VDAC1: variants seen among roughly 807,000 people sequenced by gnomAD.
VDAC1 encodes non-selective voltage-gated ion channel VDAC1.
VDAC1 carries 10 observed loss-of-function variants against 34.7 expected under a neutral mutation model. The observed-to-expected ratio is 0.29, with a 90% CI of 0.18 to 0.49. The LOEUF is 0.49. Ranked by LOEUF, VDAC1 falls within the 20% of genes least tolerant of loss-of-function variation. VDAC1 has a pLI of 0.99. For missense variants in VDAC1, 230 were observed against 347.9 expected (o/e 0.66, Z 2.69); for synonymous variants, 130 against 136.0 (o/e 0.96, Z 0.30).
chr5:134,113,423 T>C, the VDAC1 span, among the ~76,000 whole-genome samples: 1 of 152,234 alleles, frequency 6.6e-6, no homozygotes, highest in East Asian at 1.9e-4. Flanking sequence ...CCAGCCACGC[T>C]GGGCCTGGAC....
chr5:134,037,475 C>T, the VDAC1 span, among the ~76,000 whole-genome samples: 1 of 152,182 alleles, frequency 6.6e-6, no homozygotes, highest in African/African-American at 2.4e-5. Flanking sequence ...TCTTAACTAG[C>T]CTATATTAAG....
At chr5:134,079,272 C>A in the VDAC1 span, among the ~76,000 whole-genome samples, 1 of 152,198 alleles carries the variant, frequency 6.6e-6, no homozygotes, top group Admixed American at 6.5e-5. Context: ...AGCCACCACG[C>A]CTGGCCCCCT....
At chr5:134,097,753 A>T in the VDAC1 span, among the ~76,000 whole-genome samples, 3,304 of 152,328 alleles carry the variant, frequency 0.022, 112 homozygotes, top group African/African-American at 0.075. Context: ...CAGACATAGA[A>T]GGAGCCAGAC....
At chr5:133,997,151 C>T (rs1348719120) in intron 1 of VDAC1, among the ~76,000 whole-genome samples, 2 of 152,140 alleles carry the variant, frequency 1.3e-5, no homozygotes, top group African/African-American at 2.4e-5. Context: ...CTCTTGTTCA[C>T]GCCAAGGGGG....
At chr5:134,031,018 C>T in the VDAC1 span, among the ~76,000 whole-genome samples, 1 of 152,146 alleles carries the variant, frequency 6.6e-6, no homozygotes, top group South Asian at 2.1e-4. Flanking sequence ...AGTAATGTTA[C>T]AGCTACCACT....
intron 5 of VDAC1, chr5:133,988,772 C>CAA (rs35793271): frequency 3.8e-4 from 49 of 128,246 alleles, no homozygotes; most frequent in East Asian, 6.4e-4. Context: ...CCCCTCAACC[C>CAA]AAAAAAAAAA....
upstream of VDAC1, among the ~76,000 whole-genome samples, chr5:134,007,083 A>C (rs1035048774): frequency 1.3e-5 from 2 of 152,008 alleles, no homozygotes; most frequent in African/African-American, 4.8e-5. Flanking sequence ...GTCTCTACTA[A>C]AAATACAAAA....
chr5:133,984,419 CGTGTGTGTGTGTGT>C (rs70976506), intron 5 of VDAC1, among the ~76,000 whole-genome samples: 1,597 of 122,026 alleles, frequency 0.013, 17 homozygotes, highest in Middle Eastern at 0.031. Context: ...CAATGACCAG[CGTGTGTGTGTGTGT>C]GTGTGTGTGT....
chr5:133,985,165 G>C (rs947799073), intron 5 of VDAC1, among the ~76,000 whole-genome samples: 1 of 152,136 alleles, frequency 6.6e-6, no homozygotes, highest in African/African-American at 2.4e-5. Flanking sequence ...GTTTCTTTCT[G>C]AGAAACTGGA....
chr5:134,093,634 C>G, the VDAC1 span, among the ~76,000 whole-genome samples: 14 of 152,202 alleles, frequency 9.2e-5, no homozygotes, highest in African/African-American at 3.4e-4. Context: ...CAGATGTGCA[C>G]TGGTGTCAAG....
the VDAC1 span, among the ~76,000 whole-genome samples, chr5:134,065,522 G>A: frequency 8.6e-5 from 13 of 151,008 alleles, no homozygotes; most frequent in Non-Finnish European, 1.5e-4. Context: ...TGTATTTTTC[G>A]TAGAGACAGG....
upstream of VDAC1, among the ~76,000 whole-genome samples, chr5:134,006,770 A>C (rs942392021): frequency 1.0e-4 from 14 of 138,802 alleles, no homozygotes; most frequent in East Asian, 5.0e-4. Context: ...ACAAAAAAAA[A>C]CAACAACTTG....
chr5:134,080,274 C>G, the VDAC1 span, among the ~76,000 whole-genome samples: 3 of 152,256 alleles, frequency 2.0e-5, no homozygotes, highest in African/African-American at 7.2e-5. Flanking sequence ...CAGACTATTT[C>G]TAGGCCCTTG....
chr5:134,056,189 C>T, the VDAC1 span, among the ~76,000 whole-genome samples: 38 of 143,134 alleles, frequency 2.7e-4, no homozygotes, highest in East Asian at 5.5e-3. Context: ...TGCAGTGAGC[C>T]GATATAGCAC....
At position 133,980,736 on chromosome 5, in the gene VDAC1, T is replaced by C; in HGVS notation, c.544A>G (p.Thr182Ala). 7.1e-7 allele frequency: 1 copy of C among 1,408,378 alleles called. No individual in the cohort carries two copies. The highest frequency in any genetic ancestry group is 9.5e-7 in the Non-Finnish European group (1 of 1,054,998). The allele number at this position is 1,408,378 out of a possible 1,614,324, so 87.2% of individuals were successfully genotyped here. Reference sequence around the variant, plus strand: ...GCCCCCATGTACACTTACACATTAGTGTGAAGCTGGAATTCATCAGTCTTG... The same window carrying C: ...GCCCCCATGTACACTTACACATTAGCGTGAAGCTGGAATTCATCAGTCTTG... ...GYKTDEFQLHTNVNDGTEFGG... is the reference protein window; with the variant it reads ...GYKTDEFQLHANVNDGTEFGG... The change falls in exon 6 of 9, where the codon ACT becomes GCT. Residue 182 changes from threonine to alanine, a missense_variant. Transcript: ENST00000265333.
chr5:134,057,594 CACA>C, the VDAC1 span, among the ~76,000 whole-genome samples: 3 of 151,198 alleles, frequency 2.0e-5, no homozygotes, highest in Admixed American at 2.0e-4. Flanking sequence ...GAGGCTGAGG[CACA>C]ACAATTGCTT....
the VDAC1 span, among the ~76,000 whole-genome samples, chr5:134,078,452 G>A: frequency 6.6e-6 from 1 of 152,084 alleles, no homozygotes; most frequent in Non-Finnish European, 1.5e-5. Context: ...AAGACTTGGG[G>A]CTTGTTTAGG....
At chr5:134,058,831 A>G in the VDAC1 span, among the ~76,000 whole-genome samples, 12 of 152,196 alleles carry the variant, frequency 7.9e-5, no homozygotes, top group Non-Finnish European at 1.5e-4. Context: ...CGGCACTCCA[A>G]GGCCTCTCCA....
the VDAC1 span, among the ~76,000 whole-genome samples, chr5:134,096,175 C>A: frequency 6.6e-6 from 1 of 152,232 alleles, no homozygotes; most frequent in Non-Finnish European, 1.5e-5. Flanking sequence ...CTGACTCCCC[C>A]GCCTTGGTTC....
Sources: allele counts gnomAD v4.1 joint callset (sites outside exome capture counted in the v4.1 genomes callset), GRCh38; gene constraint gnomAD v4.1.1; transcripts MANE v1.5; gene names NCBI Gene and HGNC (gene_info 2026-07-23, HGNC 2026-07-21).